Variants in VIRMA observed in about 807,000 individuals in gnomAD.
The protein encoded by VIRMA is vir like m6A methyltransferase associated.
VIRMA carries 65 observed loss-of-function variants against 182.4 expected under a neutral mutation model. The observed-to-expected ratio is 0.36, with a 90% CI of 0.29 to 0.44. The LOEUF (loss-of-function observed/expected upper bound fraction) is 0.44, where lower values mean the gene tolerates loss of function less well. Ranked by LOEUF, VIRMA falls within the 20% of genes least tolerant of loss-of-function variation. The pLI is 1.00. For missense variants in VIRMA, 1,752 were observed against 2,158.1 expected, an observed-to-expected ratio of 0.81 and a Z score of 3.73; for synonymous variants, 709 against 743.1, an observed-to-expected ratio of 0.95 and a Z score of 0.75.
intron 5 of VIRMA, among the ~76,000 whole-genome samples, chr8:94,531,502 CG>C (rs1815174023): frequency 6.6e-6 from 1 of 152,148 alleles, no homozygotes; most frequent in Admixed American, 6.6e-5. Flanking sequence ...TTAATAACAT[CG>C]GAATTTCTGA....
chr8:94,498,225 A>G (rs993037503), intron 17 of VIRMA: 1 of 152,214 alleles, frequency 6.6e-6, no homozygotes, highest in African/African-American at 2.4e-5. Context: ...ATATACCATG[A>G]CTTTGGAAAA....
At position 94,526,712 on chromosome 8, in the gene VIRMA, A is replaced by G; in HGVS notation, c.1532T>C (p.Ile511Thr). The change falls in exon 8 of 24, where the codon ATT (isoleucine) becomes ACT (threonine). Residue 511 changes from isoleucine (I) to threonine (T), a missense_variant. By Grantham distance (89) the Ile-to-Thr change is moderately conservative (BLOSUM62 -1). Coordinates refer to ENST00000297591, the MANE Select transcript of VIRMA (RefSeq NM_015496.5). ...LNAFKALDSVISMTEGMEAFL... is the reference protein window; with the variant it reads ...LNAFKALDSVTSMTEGMEAFL... ...AGCTTCCATTCCTTCTGTCATACTA[A>G]TGACACTGTCCAAAGCTTTAAAAGC... The G allele has an allele frequency of 6.2e-7, 1 of 1,613,944 alleles. No homozygotes were observed. The highest frequency in any genetic ancestry group is 8.5e-7 in the Non-Finnish European group (1 of 1,180,034).
intron 1 of VIRMA, among the ~76,000 whole-genome samples, chr8:94,549,063 C>G (rs1815881044): frequency 6.6e-6 from 1 of 152,210 alleles, no homozygotes; most frequent in Non-Finnish European, 1.5e-5. Context: ...GCTTATCTTG[C>G]ATTCTTGATT....
intron 1 of VIRMA, among the ~76,000 whole-genome samples, chr8:94,545,224 T>C (rs918403568): frequency 6.6e-6 from 1 of 152,234 alleles, no homozygotes; most frequent in Non-Finnish European, 1.5e-5. Flanking sequence ...TAGGCAAATA[T>C]AATTCTTGTT....
chr8:94,538,443 A>T (rs1815418559), intron 2 of VIRMA, 97 bp from the exon 3 acceptor site: 1 of 706,848 alleles, frequency 1.4e-6, no homozygotes, highest in Admixed American at 2.5e-5. Context: ...GAGCAATTCT[A>T]GAATTAGAAT....
chr8:94,529,303 T>A lies in VIRMA; in HGVS notation c.647A>T (p.Asp216Val). Reference sequence around the variant, plus strand: ...ATCAGGAGAAATGGGCTCAAAGTAATCTTCTCTATGAGGAGCATCCTCTTC... The same window carrying A: ...ATCAGGAGAAATGGGCTCAAAGTAAACTTCTCTATGAGGAGCATCCTCTTC... ...DKEEDAPHRE[D>V]YFEPISPDRN... Residue 216 changes from aspartate to valine, a missense_variant, in exon 7 of 24, where the codon GAT becomes GTT. Physicochemically the swap from Asp to Val is radical, Grantham distance 152 (BLOSUM62 -3). Transcript: ENST00000297591. The A allele has an allele frequency of 6.2e-7, 1 of 1,612,942 alleles. No individual in the cohort carries two copies. The highest frequency in any genetic ancestry group is 8.5e-7 in the Non-Finnish European group (1 of 1,178,914).
In VIRMA at chr8:94,505,557, A is replaced by C. The variant is rs139604078; in HGVS notation, c.4097+943T>G. Among the ~76,000 whole-genome samples, 976 of 146,156 alleles carry C rather than the reference A, an allele frequency of 6.7e-3. 5 individuals carry two copies. The highest frequency in any genetic ancestry group is 0.011 in the Non-Finnish European group (695 of 65,112). On this transcript the variant is annotated intron_variant, in intron 16 of 23. Transcript: ENST00000297591. ...GCATGATCACTGCAGCGGCATGATCACTGCAGCCTTGACCTCCCAGGCTCA... is the reference window on the plus strand; with the variant it reads ...GCATGATCACTGCAGCGGCATGATCCCTGCAGCCTTGACCTCCCAGGCTCA...
intron 13 of VIRMA, 79 bp downstream of exon 13, chr8:94,511,106 G>C (rs754122570): frequency 2.6e-6 from 4 of 1,529,234 alleles, no homozygotes; most frequent in Non-Finnish European, 3.5e-6. Flanking sequence ...GAGGGTTTTT[G>C]TTTTTTAACA....
rs1488397173 is a variant in VIRMA, at chr8:94,512,106, G to A, written c.2752-17C>T. Reference sequence around the variant, plus strand: ...ATCGATATTCTTTAAAAATGAAAATGAACAGAATATTTCGTTTCTTAGTAC... The same window carrying A: ...ATCGATATTCTTTAAAAATGAAAATAAACAGAATATTTCGTTTCTTAGTAC... On this transcript the variant is annotated splice_polypyrimidine_tract_variant and intron_variant, in intron 11 of 23. Coordinates refer to ENST00000297591, the MANE Select transcript of VIRMA (RefSeq NM_015496.5). 1 of 1,363,970 alleles carries A rather than the reference G, an allele frequency of 7.3e-7. No individual in the cohort carries two copies. The allele number at this position is 1,363,970 out of a possible 1,614,324, so 84.5% of individuals were successfully genotyped here.
intron 19 of VIRMA, 101 bp downstream of exon 19, chr8:94,495,630 C>A: frequency 1.3e-6 from 1 of 759,846 alleles, no homozygotes; most frequent in Non-Finnish European, 2.0e-6. Flanking sequence ...AGAATTCTTA[C>A]TATCTGGCCC....
At chr8:94,513,126 T>G (rs1218932109) in intron 11 of VIRMA, among the ~76,000 whole-genome samples, 1 of 152,052 alleles carries the variant, frequency 6.6e-6, no homozygotes, top group Non-Finnish European at 1.5e-5. Flanking sequence ...TCACCTGAGG[T>G]TGGGAGTTTG....
At chr8:94,535,822 AAATT>A (rs1295387484) in intron 4 of VIRMA, among the ~76,000 whole-genome samples, 2 of 152,094 alleles carry the variant, frequency 1.3e-5, no homozygotes, top group Non-Finnish European at 2.9e-5. Context: ...GGCATTAAAT[AAATT>A]GTTTTTGCAA....
chr8:94,514,594 G>T (rs887392832), intron 11 of VIRMA, among the ~76,000 whole-genome samples: 40 of 152,268 alleles, frequency 2.6e-4, no homozygotes, highest in African/African-American at 9.1e-4. Context: ...CAAGATGGTA[G>T]GTGATACTAT....
At chr8:94,513,425 CA>C (rs34173786) in intron 11 of VIRMA, among the ~76,000 whole-genome samples, 29,165 of 114,920 alleles carry the variant, frequency 0.25, 3,213 homozygotes, top group South Asian at 0.39. Flanking sequence ...GAGTCTAGAC[CA>C]AAAAAAAAAA....
chr8:94,523,124 T>C (rs1266767635), intron 8 of VIRMA, among the ~76,000 whole-genome samples: 1 of 152,218 alleles, frequency 6.6e-6, no homozygotes, highest in African/African-American at 2.4e-5. Flanking sequence ...AGACTACAAA[T>C]GTATTATATT....
chr8:94,527,984 G>A (rs904829629), intron 7 of VIRMA, among the ~76,000 whole-genome samples: 1 of 152,020 alleles, frequency 6.6e-6, no homozygotes, highest in Admixed American at 6.6e-5. Flanking sequence ...TGTAATCCCA[G>A]CACTTTGGGA....
In VIRMA at chr8:94,553,467, C is replaced by G. The variant is rs554886121; in HGVS notation, c.-20G>C. 2 of 1,613,260 alleles carry G rather than the reference C, an allele frequency of 1.2e-6. No individual in the cohort carries two copies. The highest frequency in any genetic ancestry group is 2.7e-5 in the African/African-American group (2 of 74,914). ...CGCCATGTTTGCCGCGGGCGGGGAA[C>G]AGGGGGGAGGACTTCCGGGGCAGCG... On this transcript the variant is annotated 5_prime_UTR_variant, in exon 1 of 24. Coordinates refer to ENST00000297591, the MANE Select transcript of VIRMA (RefSeq NM_015496.5).
chr8:94,487,954 G>A lies in VIRMA; in HGVS notation c.*752C>T, dbSNP rs1439802665. The A allele has an allele frequency of 1.3e-5, 2 of 152,178 alleles. No individual in the cohort carries two copies. The highest frequency in any genetic ancestry group is 4.8e-5 in the African/African-American group (2 of 41,418). 9.4% of individuals were successfully genotyped at this position (152,178 alleles called of 1,614,324 possible). On this transcript the variant is annotated 3_prime_UTR_variant, in exon 24 of 24. Transcript: ENST00000297591. ...GTTCAGATTTCTAATACAAAGGAGA[G>A]GAGTATTTTGTTTCTTTTGGTACAG...
chr8:94,535,098 TAA>T, intron 4 of VIRMA, 91 bp from the exon 5 acceptor site: 12 of 1,494,512 alleles, frequency 8.0e-6, no homozygotes, highest in Non-Finnish European at 1.1e-5. Context: ...GTGGTTCAAC[TAA>T]AGTCTTTAAA....
Sources: gnomAD v4.1 joint callset for allele counts (sites outside exome capture counted in the v4.1 genomes callset) on GRCh38, gnomAD v4.1.1 for gene constraint, MANE v1.5 for transcripts, NCBI Gene and HGNC (gene_info 2026-07-23, HGNC 2026-07-21) for gene names.